The following NBEA variants were observed in gnomAD, a reference collection of about 807,000 sequenced individuals.
NBEA encodes lysosomal-trafficking regulator 2.
A neutral mutation model predicts 343.4 loss-of-function variants in NBEA; 44 were observed. That is an observed-to-expected ratio of 0.13 (90% CI 0.10 to 0.16). NBEA has a LOEUF of 0.16. NBEA is among the 10% of genes least tolerant of loss of function. NBEA has a pLI of 1.00. For synonymous variants in NBEA, 1,175 were observed against 1,238.7 expected (o/e 0.95, Z 1.08); for missense variants, 2,555 against 3,631.3 (o/e 0.70, Z 7.62).
At chr13:35,603,133 CT>C (rs1316244220) in intron 47 of NBEA, among the ~76,000 whole-genome samples, 3 of 152,050 alleles carry the variant, frequency 2.0e-5, no homozygotes, top group African/African-American at 7.2e-5. Flanking sequence ...TTTTCCTTTT[CT>C]TTAATAAAGT....
intron 10 of NBEA, among the ~76,000 whole-genome samples, chr13:35,071,135 T>C (rs1449200347): frequency 6.6e-6 from 1 of 152,068 alleles, no homozygotes; most frequent in Non-Finnish European, 1.5e-5. Flanking sequence ...GGGAAAAATA[T>C]TAATCCTGAC....
chr13:35,629,177 G>A (rs1417030229), intron 49 of NBEA, among the ~76,000 whole-genome samples: 1 of 152,018 alleles, frequency 6.6e-6, no homozygotes, highest in Non-Finnish European at 1.5e-5. Context: ...GAGTGAAGAT[G>A]CAACAGCTGC....
At chr13:35,397,889 G>A (rs1189393112) in intron 38 of NBEA, among the ~76,000 whole-genome samples, 1 of 152,170 alleles carries the variant, frequency 6.6e-6, no homozygotes, top group Non-Finnish European at 1.5e-5. Flanking sequence ...GAAGGTTGGA[G>A]TGTCTGTAGC....
At chr13:35,282,259 T>G (rs1466696602) in intron 34 of NBEA, among the ~76,000 whole-genome samples, 1 of 152,124 alleles carries the variant, frequency 6.6e-6, no homozygotes, top group Admixed American at 6.6e-5. Flanking sequence ...CACTTTTATT[T>G]AAATGTAACT....
chr13:35,594,763 A>C (rs531115776), intron 47 of NBEA, among the ~76,000 whole-genome samples: 4 of 152,206 alleles, frequency 2.6e-5, no homozygotes, highest in African/African-American at 9.6e-5. Context: ...GAACAGTAGT[A>C]TCCAGAATTC....
At chr13:35,010,741 AATATATATATAT>A (rs869140392) in intron 1 of NBEA, among the ~76,000 whole-genome samples, 7 of 31,960 alleles carry the variant, frequency 2.2e-4, no homozygotes, top group South Asian at 3.6e-3. Context: ...AAAAAAAAAA[AATATATATATAT>A]ATATATATAT....
intron 1 of NBEA, among the ~76,000 whole-genome samples, chr13:34,957,799 G>A (rs890460906): frequency 2.6e-4 from 40 of 152,008 alleles, no homozygotes; most frequent in Middle Eastern, 6.8e-3. Flanking sequence ...CTTTATTATA[G>A]TCCTAGCTAA....
chr13:35,423,274 T>C (rs564792125), intron 38 of NBEA, among the ~76,000 whole-genome samples: 1 of 152,348 alleles, frequency 6.6e-6, no homozygotes, highest in East Asian at 1.9e-4. Flanking sequence ...AGGGATTTTA[T>C]GGTTTTAGGT....
chr13:35,623,687 C>G (rs1389907885), intron 48 of NBEA, among the ~76,000 whole-genome samples: 2 of 152,018 alleles, frequency 1.3e-5, no homozygotes, highest in South Asian at 4.2e-4. Context: ...GCTAATAAAT[C>G]TTAAAACTGA....
At chr13:35,234,859 CA>C (rs1209325491) in intron 34 of NBEA, among the ~76,000 whole-genome samples, 1 of 152,154 alleles carries the variant, frequency 6.6e-6, no homozygotes, top group Non-Finnish European at 1.5e-5. Context: ...TGTTTTCCCT[CA>C]ATTTACTTTT....
chr13:35,402,503 C>T (rs2043046488), intron 38 of NBEA, among the ~76,000 whole-genome samples: 1 of 151,938 alleles, frequency 6.6e-6, no homozygotes, highest in African/African-American at 2.4e-5. Flanking sequence ...GAGAAAATTA[C>T]TTTGAGATGG....
chr13:35,415,712 T>C (rs1052200053), intron 38 of NBEA, among the ~76,000 whole-genome samples: 4 of 152,122 alleles, frequency 2.6e-5, no homozygotes, highest in African/African-American at 9.7e-5. Context: ...GACTTGGCGA[T>C]GTGGGCTCTT....
At chr13:34,995,184 G>A (rs1361931324) in intron 1 of NBEA, among the ~76,000 whole-genome samples, 4 of 152,230 alleles carry the variant, frequency 2.6e-5, no homozygotes, top group Admixed American at 2.6e-4. Flanking sequence ...TGGGTGTGGT[G>A]GCTCATGCCT....
At chr13:35,463,317 T>C (rs1285559972) in intron 40 of NBEA, among the ~76,000 whole-genome samples, 1 of 152,056 alleles carries the variant, frequency 6.6e-6, no homozygotes, top group Non-Finnish European at 1.5e-5. Flanking sequence ...GTTTGGAAAA[T>C]TGTGAGTTTA....
intron 34 of NBEA, among the ~76,000 whole-genome samples, chr13:35,264,509 G>A (rs2033493398): frequency 6.6e-6 from 1 of 151,912 alleles, no homozygotes; most frequent in South Asian, 2.1e-4. Context: ...CAAAATACTA[G>A]CAAACCCAAT....
chr13:35,411,086 A>G lies in NBEA; in HGVS notation c.6180-21183A>G, dbSNP rs566040436. On this transcript the variant is annotated intron_variant, in intron 38 of 58. Coordinates refer to ENST00000379939, the MANE Select transcript of NBEA (RefSeq NM_001385012.1). ...CTTTTGCTTTGACTGGACCACTTCT[A>G]CCTCTTGGTAGCCATTTTTTTGATT... 1.5e-4 allele frequency among the ~76,000 whole-genome samples: 23 copies of G among 151,958 alleles called. No individual in the cohort carries two copies. In the East Asian group the frequency reaches 2.9e-3, roughly 19 times the overall value.
At chr13:35,663,926 G>A (rs78382691) in intron 55 of NBEA, among the ~76,000 whole-genome samples, 1 of 152,130 alleles carries the variant, frequency 6.6e-6, no homozygotes, top group African/African-American at 2.4e-5. Context: ...ATGGGTCTGA[G>A]AAAATGCAAA....
At chr13:35,036,032 A>G (rs1447446670) in intron 1 of NBEA, among the ~76,000 whole-genome samples, 2 of 151,786 alleles carry the variant, frequency 1.3e-5, no homozygotes, top group Non-Finnish European at 2.9e-5. Flanking sequence ...TTAAGTAAGG[A>G]TGTACTCTTG....
chr13:34,999,958 A>G (rs753525401), intron 1 of NBEA, among the ~76,000 whole-genome samples: 3 of 152,136 alleles, frequency 2.0e-5, no homozygotes, highest in Non-Finnish European at 4.4e-5. Context: ...ATCCGTCGGT[A>G]TGTCTGTATC....
Sources: allele counts gnomAD v4.1 joint callset (sites outside exome capture counted in the v4.1 genomes callset), GRCh38; gene constraint gnomAD v4.1.1; transcripts MANE v1.5; gene names NCBI Gene and HGNC (gene_info 2026-07-23, HGNC 2026-07-21).